Variants in CERT1 observed in about 807,000 individuals in gnomAD.
CERT1 encodes the protein ceramide transporter 1.
In CERT1, 31 loss-of-function variants were observed where a neutral mutation model predicts 87.9. The ratio of observed to expected loss-of-function variants is 0.35; its 90% CI spans 0.27 to 0.48. The LOEUF (loss-of-function observed/expected upper bound fraction) is 0.48, where lower values mean the gene tolerates loss of function less well. CERT1 is among the 20% of genes least tolerant of loss of function. The probability of loss-of-function intolerance (pLI) is 0.99; values close to 1 mark genes in which losing one functional copy is unlikely to be tolerated. For missense variants in CERT1, 487 were observed against 758.0 expected, an observed-to-expected ratio of 0.64 and a Z score of 4.20; for synonymous variants, 289 against 250.9, an observed-to-expected ratio of 1.15 and a Z score of -1.44.
rs551992335 is a variant in CERT1, at chr5:75,421,023, G to A, written c.596-1599C>T. 6.2e-4 allele frequency among the ~76,000 whole-genome samples: 94 copies of A among 152,054 alleles called. No individual in the cohort carries two copies. In the South Asian group the frequency reaches 8.9e-3, roughly 14 times the overall value. ...GAGGTTTTGCCATGTTGCCCAGGCC[G>A]GTTTCAAACTCCTGAGCTCAAGCAA... On this transcript the variant is annotated intron_variant, in intron 5 of 16. Coordinates refer to ENST00000643780, the MANE Select transcript of CERT1 (RefSeq NM_001379029.1).
At chr5:75,379,826 G>A (rs555195891) in intron 16 of CERT1, among the ~76,000 whole-genome samples, 8 of 151,860 alleles carry the variant, frequency 5.3e-5, no homozygotes, top group African/African-American at 1.7e-4. Context: ...CTCATGATCC[G>A]CCCGCCTCAG....
chr5:75,415,035 T>TACAC (rs150043321), intron 7 of CERT1, among the ~76,000 whole-genome samples: 38 of 149,384 alleles, frequency 2.5e-4, no homozygotes, highest in Non-Finnish European at 3.7e-4. Context: ...TGTGTATATA[T>TACAC]ACACACACAC....
rs147682104 is a variant in CERT1 at position 75,468,131 on chromosome 5, C to T, written c.232-8950G>A. 2.1e-3 allele frequency among the ~76,000 whole-genome samples: 316 copies of T among 152,238 alleles called. 1 individual carries two copies. The East Asian group carries it at 0.027, about 13-fold the overall frequency. On this transcript the variant is annotated intron_variant, in intron 2 of 16. Transcript: ENST00000643780. ...GAAACAAATTAATGTTATAAGAAGG[C>T]AGAGCCAGATGGAGAAAGAGGACTC...
At chr5:75,429,090 AC>A (rs1179945218) in intron 3 of CERT1, among the ~76,000 whole-genome samples, 11 of 151,540 alleles carry the variant, frequency 7.3e-5, no homozygotes, top group Non-Finnish European at 1.5e-4. Context: ...TTGTCAAAAA[AC>A]ATCCCTACCC....
intron 3 of CERT1, among the ~76,000 whole-genome samples, chr5:75,434,013 G>A (rs1031932621): frequency 3.3e-5 from 5 of 152,054 alleles, no homozygotes; most frequent in African/African-American, 9.7e-5. Flanking sequence ...CTGGCTAAGA[G>A]CTTCCAGCAT....
chr5:75,403,651 A>G (rs750032026), intron 8 of CERT1, among the ~76,000 whole-genome samples: 47 of 152,232 alleles, frequency 3.1e-4, no homozygotes, highest in Non-Finnish European at 1.0e-4. Context: ...GGATCTTCCT[A>G]AGCACAGGTA....
chr5:75,446,600 A>C (rs1262154227), intron 3 of CERT1, among the ~76,000 whole-genome samples: 4 of 152,080 alleles, frequency 2.6e-5, no homozygotes, highest in Admixed American at 2.6e-4. Flanking sequence ...GGAACTTTGA[A>C]TTTACTAGTG....
At chr5:75,425,225 A>T in intron 5 of CERT1, 136 bp downstream of exon 5, 1 of 728,810 alleles carries the variant, frequency 1.4e-6, no homozygotes, top group Admixed American at 2.9e-5. Context: ...AGGACACTGA[A>T]ATCTGTTTCA....
At chr5:75,457,246 G>A (rs1765022597) in intron 3 of CERT1, among the ~76,000 whole-genome samples, 1 of 152,130 alleles carries the variant, frequency 6.6e-6, no homozygotes, top group Admixed American at 6.6e-5. Context: ...TTTCCTATAT[G>A]CCATAAATGG....
At chr5:75,394,611 G>A (rs920726404) in intron 11 of CERT1, among the ~76,000 whole-genome samples, 1 of 152,112 alleles carries the variant, frequency 6.6e-6, no homozygotes, top group Non-Finnish European at 1.5e-5. Flanking sequence ...CTTAGCCCCC[G>A]CTACTGAGGA....
intron 8 of CERT1, among the ~76,000 whole-genome samples, chr5:75,406,544 T>G (rs1762712690): frequency 6.9e-6 from 1 of 145,602 alleles, no homozygotes; most frequent in African/African-American, 2.5e-5. Flanking sequence ...TGGTAAGTCT[T>G]TTTTTTTTTT....
In CERT1 at chr5:75,379,192, A is replaced by G. The variant is rs950763508; in HGVS notation, c.*154T>C. ...GCAAGACCCTGTTTAAAACAACAAC[A>G]ACGACAACAACAAAAACCAACGAAA... is the stretch of plus-strand genomic sequence containing the variant. On this transcript the variant is annotated 3_prime_UTR_variant, in exon 17 of 17. Transcript: ENST00000643780. 8.7e-6 allele frequency: 6 copies of G among 691,976 alleles called. No homozygotes were observed. The highest frequency in any genetic ancestry group is 2.9e-5 in the Admixed American group (1 of 34,262). 42.9% of individuals were successfully genotyped at this position (691,976 alleles called of 1,614,324 possible). A position where few individuals can be genotyped will look rare whatever the true frequency, so the allele number is the denominator to read the frequency against.
intron 2 of CERT1, among the ~76,000 whole-genome samples, chr5:75,463,763 C>T (rs1765337151): frequency 6.6e-6 from 1 of 152,098 alleles, no homozygotes; most frequent in Non-Finnish European, 1.5e-5. Flanking sequence ...GGAGGTCAGT[C>T]TCAAATCTAT....
At position 75,381,463 on chromosome 5, in the gene CERT1, C is replaced by A. The variant is rs1470143524; in HGVS notation, c.1618-262G>T. 2.6e-5 allele frequency among the ~76,000 whole-genome samples: 4 copies of A among 151,922 alleles called. No homozygotes were observed. In the South Asian group the frequency reaches 6.2e-4, roughly 24 times the overall value. On this transcript the variant is annotated intron_variant, in intron 15 of 16. Transcript: ENST00000643780. Reference sequence around the variant, plus strand: ...TCAAACTCCTGGGCTCAAAGCAATCCTCCCGCCTCAACCTCCAGAGTAGCT... The same window carrying A: ...TCAAACTCCTGGGCTCAAAGCAATCATCCCGCCTCAACCTCCAGAGTAGCT...
intron 1 of CERT1, among the ~76,000 whole-genome samples, chr5:75,509,856 T>G (rs1561314284): frequency 6.6e-6 from 1 of 152,220 alleles, no homozygotes; most frequent in Non-Finnish European, 1.5e-5. Context: ...ATACATTTAA[T>G]CTAAAGAAAT....
intron 2 of CERT1, among the ~76,000 whole-genome samples, chr5:75,504,507 G>C (rs866551295): frequency 1.8e-4 from 27 of 152,110 alleles, no homozygotes; most frequent in African/African-American, 6.3e-4. Flanking sequence ...TAAAAATACT[G>C]TAAGATTTTC....
chr5:75,460,368 A>C (rs1344498743), intron 2 of CERT1, among the ~76,000 whole-genome samples: 1 of 152,190 alleles, frequency 6.6e-6, no homozygotes, highest in Non-Finnish European at 1.5e-5. Context: ...AAAGGAAAAA[A>C]ATAAAATGAA....
At chr5:75,407,287 G>A (rs1181187898) in intron 8 of CERT1, among the ~76,000 whole-genome samples, 1 of 151,806 alleles carries the variant, frequency 6.6e-6, no homozygotes, top group African/African-American at 2.4e-5. Context: ...AATATATTTA[G>A]AAGAGACCAT....
chr5:75,455,688 G>A (rs1046245605), intron 3 of CERT1, among the ~76,000 whole-genome samples: 1 of 152,162 alleles, frequency 6.6e-6, no homozygotes, highest in African/African-American at 2.4e-5. Flanking sequence ...TCTTGCATAG[G>A]TATAGTAGGA....
Sources: gnomAD v4.1 joint callset for allele counts (sites outside exome capture counted in the v4.1 genomes callset) on GRCh38, gnomAD v4.1.1 for gene constraint, MANE v1.5 for transcripts, NCBI Gene and HGNC (gene_info 2026-07-23, HGNC 2026-07-21) for gene names.